The following ZFAT variants were observed in gnomAD, a reference collection of about 807,000 sequenced individuals.
ZFAT encodes zinc finger and AT-hook domain containing.
ZFAT carries 64 observed loss-of-function variants against 117.7 expected under a neutral mutation model. The ratio of observed to expected loss-of-function variants is 0.54; its 90% confidence interval spans 0.44 to 0.67. The LOEUF (loss-of-function observed/expected upper bound fraction) is 0.67, where lower values mean the gene tolerates loss of function less well. ZFAT is among the 30% of genes least tolerant of loss of function. The pLI is 0.00. For synonymous variants in ZFAT, 679 were observed against 615.0 expected (o/e 1.10, Z -1.54); for missense variants, 1,433 against 1,584.5 (o/e 0.90, Z 1.62).
chr8:134,614,029 T>C (rs16905198), intron 3 of ZFAT, among the ~76,000 whole-genome samples: 16,292 of 152,204 alleles, frequency 0.11, 1,109 homozygotes, highest in East Asian at 0.36. Flanking sequence ...CTGCTAACAG[T>C]ATCTTGACTA....
intron 1 of ZFAT, chr8:134,696,360 C>T (rs1326386235): frequency 3.0e-6 from 3 of 984,874 alleles, no homozygotes; most frequent in African/African-American, 3.5e-5. Context: ...GGAGAACAGC[C>T]GAGACACCTC....
At chr8:134,519,718 G>A (rs548042683) in intron 13 of ZFAT, among the ~76,000 whole-genome samples, 8 of 152,266 alleles carry the variant, frequency 5.3e-5, no homozygotes, top group African/African-American at 1.9e-4. Flanking sequence ...TCCACATGCT[G>A]TTAAAGAACA....
the ZFAT span, among the ~76,000 whole-genome samples, chr8:134,828,128 G>A: frequency 6.6e-6 from 1 of 152,092 alleles, no homozygotes; most frequent in Non-Finnish European, 1.5e-5. Context: ...ACAGTCATTT[G>A]AGACAGTCCC....
At chr8:134,554,767 T>C (rs114147928) in intron 11 of ZFAT, among the ~76,000 whole-genome samples, 1 of 152,332 alleles carries the variant, frequency 6.6e-6, no homozygotes, top group African/African-American at 2.4e-5. Context: ...GCCTGTATGA[T>C]TGAGAAGGCC....
intron 9 of ZFAT, 80 bp from the exon 10 acceptor site, chr8:134,584,085 T>C: frequency 7.3e-7 from 1 of 1,378,328 alleles, no homozygotes; most frequent in Non-Finnish European, 9.8e-7. Flanking sequence ...AATATATATA[T>C]CCATATCTAA....
intron 3 of ZFAT, among the ~76,000 whole-genome samples, chr8:134,625,001 C>G (rs527659295): frequency 2.1e-3 from 326 of 152,356 alleles, no homozygotes; most frequent in Non-Finnish European, 3.4e-3. Context: ...GTTGTCAGAA[C>G]AGCAGACTGA....
intron 2 of ZFAT, among the ~76,000 whole-genome samples, chr8:134,657,166 T>G (rs1831658413): frequency 6.6e-6 from 1 of 152,192 alleles, no homozygotes; most frequent in South Asian, 2.1e-4. Flanking sequence ...AACTTCATCC[T>G]CACAGACCCC....
chr8:134,806,112 ATAC>A, the ZFAT span, among the ~76,000 whole-genome samples: 1 of 152,260 alleles, frequency 6.6e-6, no homozygotes, highest in African/African-American at 2.4e-5. Context: ...ACATACATAC[ATAC>A]ATGAGCATGC....
At chr8:134,485,781 C>G (rs1193952812) in intron 15 of ZFAT, among the ~76,000 whole-genome samples, 1 of 152,064 alleles carries the variant, frequency 6.6e-6, no homozygotes, top group African/African-American at 2.4e-5. Context: ...AGAGCTGAAT[C>G]TTATGGCTGA....
At position 134,478,723 on chromosome 8, in the gene ZFAT, T is replaced by C. The variant is rs1307826698; in HGVS notation, c.3493-2A>G. 1.3e-6 allele frequency: 2 copies of C among 1,554,776 alleles called. No homozygotes were observed. Among genetic ancestry groups the C allele is most frequent in the Non-Finnish European group, 1.7e-6 (2 of 1,148,832 alleles). ...GGAGCTGGGCTCCTCCTCGGTGACC[T>C]GCGGGAGGAGGGCAAGAGAAAGGTC... On this transcript the variant is annotated splice_acceptor_variant, in intron 15 of 15. Transcript: ENST00000377838. LOFTEE classifies it high-confidence loss of function. The surrounding 1 kb of genome is among the most constrained non-coding windows in gnomAD (Gnocchi z 5.2).
intron 15 of ZFAT, among the ~76,000 whole-genome samples, chr8:134,484,848 T>C (rs1817557008): frequency 6.6e-6 from 1 of 152,130 alleles, no homozygotes; most frequent in Admixed American, 6.5e-5. Flanking sequence ...CAGGCTGGAG[T>C]ACAGTGATGC....
chr8:134,711,696 T>C (rs1814005159), intron 1 of ZFAT, among the ~76,000 whole-genome samples: 1 of 152,220 alleles, frequency 6.6e-6, no homozygotes, highest in African/African-American at 2.4e-5. Flanking sequence ...TATTCGGCTC[T>C]GGGCCCACTC....
chr8:134,490,746 T>C (rs186836123), intron 15 of ZFAT, among the ~76,000 whole-genome samples: 25 of 152,324 alleles, frequency 1.6e-4, no homozygotes, highest in African/African-American at 5.5e-4. Flanking sequence ...GTCTGCCCTT[T>C]ACCCCTCCCT....
At chr8:134,676,181 G>C (rs761711745) in intron 1 of ZFAT, among the ~76,000 whole-genome samples, 49 of 144,498 alleles carry the variant, frequency 3.4e-4, no homozygotes, top group Non-Finnish European at 5.5e-4. Flanking sequence ...GTATTCAGGA[G>C]ACCCATTTCA....
At chr8:134,776,330 G>T in the ZFAT span, among the ~76,000 whole-genome samples, 77 of 152,184 alleles carry the variant, frequency 5.1e-4, no homozygotes, top group Non-Finnish European at 4.4e-5. Context: ...TTGAGACAGG[G>T]TCTTGCTCTG....
chr8:134,489,008 G>A (rs1817855996), intron 15 of ZFAT, among the ~76,000 whole-genome samples: 1 of 141,472 alleles, frequency 7.1e-6, no homozygotes, highest in Admixed American at 7.2e-5. Flanking sequence ...GGGGGTGGGG[G>A]TGGGGAAGAG....
At chr8:134,622,688 G>C (rs952068090) in intron 3 of ZFAT, among the ~76,000 whole-genome samples, 1 of 152,122 alleles carries the variant, frequency 6.6e-6, no homozygotes, top group East Asian at 1.9e-4. Flanking sequence ...CACACAATGG[G>C]CCCTACTGCT....
upstream of ZFAT, among the ~76,000 whole-genome samples, chr8:134,714,594 A>G (rs562122350): frequency 1.6e-4 from 24 of 152,296 alleles, no homozygotes; most frequent in Admixed American, 5.9e-4. Flanking sequence ...AAAAGACCCT[A>G]AAGTTGTCCA....
chr8:134,504,800 G>A (rs1222380606), intron 15 of ZFAT, among the ~76,000 whole-genome samples: 1 of 152,096 alleles, frequency 6.6e-6, no homozygotes, highest in Non-Finnish European at 1.5e-5. Context: ...GTTACAACCA[G>A]GCAAGTCATT....
Sources: gnomAD v4.1 joint callset for allele counts (sites outside exome capture counted in the v4.1 genomes callset) on GRCh38, gnomAD v4.1.1 for gene constraint, Gnocchi (gnomAD v3.1) non-coding constraint, MANE v1.5 for transcripts, NCBI Gene and HGNC (gene_info 2026-07-23, HGNC 2026-07-21) for gene names.